The following KCNT1 variants were observed in gnomAD, a reference collection of about 807,000 sequenced individuals.
KCNT1 encodes the protein potassium channel subfamily T member 1.
A neutral mutation model predicts 147.8 loss-of-function variants in KCNT1; 78 were observed. The observed-to-expected ratio is 0.53, with a 90% CI of 0.44 to 0.64. The LOEUF (loss-of-function observed/expected upper bound fraction) is 0.64. Ranked by LOEUF, KCNT1 falls within the 30% of genes least tolerant of loss-of-function variation. The pLI is 0.00. For missense variants in KCNT1, 1,419 were observed against 1,750.3 expected, an observed-to-expected ratio of 0.81 and a Z score of 3.38; for synonymous variants, 867 against 748.8, an observed-to-expected ratio of 1.16 and a Z score of -2.58.
In KCNT1 at chr9:135,777,200, G is replaced by C; in HGVS notation, c.2350-138G>C. On this transcript the variant is annotated intron_variant, in intron 20 of 30. Transcript: ENST00000371757. ...TGTAGCTCCCCACAGGCGTGTGCAG[G>C]CCGTGAAAGGGCTGTGGGCCGAGAG... The C allele has an allele frequency of 3.5e-6, 3 of 854,564 alleles. No homozygotes were observed. The South Asian group carries it at 5.1e-5, about 15-fold the overall frequency. The allele number at this position is 854,564 out of a possible 1,614,324, so 52.9% of individuals were successfully genotyped here.
intron 2 of KCNT1, among the ~76,000 whole-genome samples, chr9:135,732,020 A>AGAGAGAGAGAGAGAGAGAGG (rs1564328249): frequency 4.8e-5 from 6 of 126,274 alleles, no homozygotes; most frequent in African/African-American, 1.8e-4. Context: ...AGAGAGAGAG[A>AGAGAGAGAGAGAGAGAGAGG]GAGAGAGAGA....
chr9:135,788,333 A>T (rs946175884), intron 29 of KCNT1, among the ~76,000 whole-genome samples: 6 of 152,222 alleles, frequency 3.9e-5, no homozygotes, highest in African/African-American at 4.8e-5. Context: ...ATGCCGACAG[A>T]GTGTCCCCTG....
intron 29 of KCNT1, chr9:135,788,206 C>CG: frequency 6.5e-7 from 1 of 1,526,734 alleles, no homozygotes; most frequent in Non-Finnish European, 9.1e-7. Context: ...CAACGGGGCT[C>CG]GCCAACCCTT....
At chr9:135,767,526 C>T (rs1209281900) in intron 13 of KCNT1, among the ~76,000 whole-genome samples, 1 of 152,098 alleles carries the variant, frequency 6.6e-6, no homozygotes, top group Non-Finnish European at 1.5e-5. Context: ...GTAGCCAGGC[C>T]AGGGAGCGGA....
chr9:135,765,481 C>T (rs1832201516), intron 12 of KCNT1, 143 bp from the exon 13 acceptor site: 2 of 984,246 alleles, frequency 2.0e-6, no homozygotes, highest in Non-Finnish European at 2.9e-6. Flanking sequence ...TGCGGGGGCC[C>T]CTCTTTTCCC....
At position 135,790,251 on chromosome 9, in the gene KCNT1, G is replaced by C. The variant is rs1335023124; in HGVS notation, c.3503-1546G>C. ...GAGCTGCCCTCACCACCCACTCCCT[G>C]TGCCACCTGCCATGCGGCCACCCCA... On this transcript the variant is annotated intron_variant, in intron 29 of 30. Transcript: ENST00000371757. 4 of 152,348 alleles carry C rather than the reference G, an allele frequency of 2.6e-5. No individual in the cohort carries two copies. In the East Asian group the frequency reaches 7.7e-4, roughly 29 times the overall value. 9.4% of individuals were successfully genotyped at this position (152,348 alleles called of 1,614,324 possible).
intron 2 of KCNT1, chr9:135,742,717 C>CTCCATCTG: frequency 1.4e-6 from 1 of 717,136 alleles, no homozygotes; most frequent in South Asian, 1.5e-5. Context: ...CTGCTGCCTT[C>CTCCATCTG]TCCATCTGTC....
intron 24 of KCNT1, among the ~76,000 whole-genome samples, chr9:135,780,915 C>T (rs1833564932): frequency 6.6e-6 from 1 of 152,220 alleles, no homozygotes; most frequent in Non-Finnish European, 1.5e-5. Flanking sequence ...AGGCAGTCAT[C>T]CTGGCGCGGC....
In KCNT1 at chr9:135,777,424, T is replaced by C. The variant is rs758942308; in HGVS notation, c.2436T>C (p.Asn812=). ...TCGTCTCGGCAGAGACGGCCGGCAA[T>C]GGGCTGTACAACTTCATCGTGCCAC... ...LIIVSAETAG[N]GLYNFIVPLR... The change falls in exon 21 of 31, where the codon AAT becomes AAC. Residue 812 remains asparagine (N), a synonymous_variant. Transcript: ENST00000371757. The C allele has an allele frequency of 8.7e-6, 14 of 1,613,882 alleles. No homozygotes were observed. In the South Asian group the frequency reaches 1.5e-4, roughly 18 times the overall value.
At chr9:135,758,573 C>T (rs1187534331) in intron 10 of KCNT1, 65 bp downstream of exon 10, 28 of 1,304,524 alleles carry the variant, frequency 2.1e-5, no homozygotes, top group South Asian at 2.1e-4. Flanking sequence ...CAAGCAGGGC[C>T]GGGCGAGGGG....
intron 2 of KCNT1, among the ~76,000 whole-genome samples, chr9:135,718,284 G>C (rs1015025981): frequency 6.6e-6 from 1 of 152,206 alleles, no homozygotes; most frequent in African/African-American, 2.4e-5. Flanking sequence ...CGTGTGAGGT[G>C]GGAGGACGTG....
chr9:135,748,854 T>G (rs1179495146), intron 2 of KCNT1, among the ~76,000 whole-genome samples: 4 of 152,150 alleles, frequency 2.6e-5, no homozygotes, highest in Non-Finnish European at 5.9e-5. Context: ...CACCTCTCTT[T>G]GACCCCAGGG....
rs968858015 is a variant in KCNT1, at chr9:135,752,506, C to T, written c.435-1431C>T. On this transcript the variant is annotated intron_variant, in intron 4 of 30. Coordinates refer to ENST00000371757, the MANE Select transcript of KCNT1 (RefSeq NM_020822.3). This position sits in a 1 kb window ranked among gnomAD's most constrained non-coding sequence, Gnocchi z 5.1. ...GGGTCCCCTGGGGCTTCTGGTTTCA[C>T]ATCCCCACAGGGCCCAAGTCTGTTG... 1.8e-5 allele frequency: 8 copies of T among 453,188 alleles called. No individual in the cohort carries two copies. Among genetic ancestry groups the T allele is most frequent in the African/African-American group, 1.0e-4 (5 of 49,886 alleles). The allele number at this position is 453,188 out of a possible 1,614,324, so 28.1% of individuals were successfully genotyped here.
At position 135,792,258 on chromosome 9, in the gene KCNT1, GGAT is replaced by G; in HGVS notation, c.*99_*101del. ...CACGGTGGCACTAGCGTGACCCTGG[GGAT>G]GGCACACTCTACTCACCATGGCTCC... On this transcript the variant is annotated 3_prime_UTR_variant, in exon 31 of 31. Transcript: ENST00000371757. 7.1e-7 allele frequency: 1 copy of G among 1,414,308 alleles called. No homozygotes were observed. The highest frequency in any genetic ancestry group is 2.2e-5 in the Admixed American group (1 of 45,658). The allele number at this position is 1,414,308 out of a possible 1,614,324, so 87.6% of individuals were successfully genotyped here. A position where few individuals can be genotyped will look rare whatever the true frequency, so the allele number is the denominator to read the frequency against.
intron 28 of KCNT1, 76 bp from the exon 29 acceptor site, chr9:135,786,121 A>G (rs1245274678): frequency 2.2e-6 from 3 of 1,355,676 alleles, no homozygotes; most frequent in Non-Finnish European, 3.0e-6. Flanking sequence ...ACCTCTTCCT[A>G]AGCCCCTGCC....
chr9:135,779,193 C>T (rs1185821597), intron 23 of KCNT1, among the ~76,000 whole-genome samples, 166 bp from the exon 24 acceptor site: 5 of 142,130 alleles, frequency 3.5e-5, no homozygotes, highest in Non-Finnish European at 7.4e-5. Context: ...GCCGTGGGAC[C>T]CTGCCCTGAG....
chr9:135,788,197 A>G, intron 29 of KCNT1: 2 of 1,578,626 alleles, frequency 1.3e-6, no homozygotes, highest in Non-Finnish European at 1.7e-6. Context: ...ACCACCGCAC[A>G]ACGGGGCTCG....
intron 6 of KCNT1, 34 bp from the exon 7 acceptor site, chr9:135,756,839 T>C (rs1220569880): frequency 6.2e-7 from 1 of 1,601,404 alleles, no homozygotes; most frequent in South Asian, 1.1e-5. Context: ...AGCCCCGGCC[T>C]GCTCCAGAGC....
Position 135,785,581 on chromosome 9 carries a change from G to C in KCNT1, c.3177+251G>C. 4.8e-6 allele frequency: 3 copies of C among 623,654 alleles called. No individual in the cohort carries two copies. The Admixed American group carries it at 7.3e-5, about 15-fold the overall frequency. 38.6% of individuals were successfully genotyped at this position (623,654 alleles called of 1,614,324 possible). A position where few individuals can be genotyped will look rare whatever the true frequency, so the allele number is the denominator to read the frequency against. On this transcript the variant is annotated intron_variant, in intron 28 of 30. Transcript: ENST00000371757. ...AGTAGCCTGTGAGTTTGGACACCAG[G>C]TGCACCCCCGCCCCCTCCCAGGCCC...
Sources: gnomAD v4.1 joint callset for allele counts (sites outside exome capture counted in the v4.1 genomes callset) on GRCh38, gnomAD v4.1.1 for gene constraint, Gnocchi (gnomAD v3.1) non-coding constraint, MANE v1.5 for transcripts, NCBI Gene and HGNC (gene_info 2026-07-23, HGNC 2026-07-21) for gene names.